TRAPPC13: variants seen among roughly 807,000 people sequenced by gnomAD.
TRAPPC13 encodes trafficking protein particle complex subunit 13.
A neutral mutation model predicts 54.0 loss-of-function variants in TRAPPC13; 39 were observed. The observed-to-expected ratio is 0.72, with a 90% confidence interval of 0.56 to 0.94. The LOEUF (loss-of-function observed/expected upper bound fraction) is 0.94, where lower values mean the gene tolerates loss of function less well. Ranked by LOEUF, TRAPPC13 falls within the 40% of genes least tolerant of loss-of-function variation. The pLI, the probability that TRAPPC13 is intolerant of heterozygous loss-of-function variation, is 0.00. For missense variants in TRAPPC13, 386 were observed against 488.1 expected (o/e 0.79, Z 1.97); for synonymous variants, 148 against 167.7 (o/e 0.88, Z 0.91).
At chr5:65,637,820 A>T (rs1412792039) in intron 4 of TRAPPC13, 40 bp downstream of exon 4, 26 of 1,335,994 alleles carry the variant, frequency 1.9e-5, no homozygotes, top group Non-Finnish European at 2.6e-5. Context: ...TTAGTCTTTA[A>T]CAAAGGTTTT....
intron 1 of TRAPPC13, 119 bp downstream of exon 1, chr5:65,625,225 T>C: frequency 1.1e-6 from 1 of 872,274 alleles, no homozygotes; most frequent in Non-Finnish European, 1.9e-6. Flanking sequence ...TCCTGCTCTG[T>C]CCTTTGCCGC....
chr5:65,625,688 C>A (rs1176603163), intron 1 of TRAPPC13, among the ~76,000 whole-genome samples: 2 of 151,848 alleles, frequency 1.3e-5, no homozygotes, highest in Non-Finnish European at 2.9e-5. Context: ...TTAATTAGAT[C>A]ATTATTTAGG....
chr5:65,644,988 G>A (rs1281976334), intron 4 of TRAPPC13, among the ~76,000 whole-genome samples: 1 of 151,898 alleles, frequency 6.6e-6, no homozygotes, highest in Admixed American at 6.6e-5. Context: ...CCTGAGGCCA[G>A]GAGTTCAAGA....
At chr5:65,625,750 C>T (rs1297134362) in intron 1 of TRAPPC13, among the ~76,000 whole-genome samples, 1 of 151,736 alleles carries the variant, frequency 6.6e-6, no homozygotes, top group Non-Finnish European at 1.5e-5. Context: ...TGCCTATTTT[C>T]TGGAAACCTT....
Position 65,664,271 on chromosome 5 carries a change from A to G in TRAPPC13, c.1033A>G (p.Asn345Asp). ...TATGGATCTGGTTTTGGAAATGTGC[A>G]ATACCAATTCCATCCACTGGTGTGG... ...RTMDLVLEMC[N>D]TNSIHWCGIS... The change falls in exon 12 of 13, where the codon AAT becomes GAT. Residue 345 changes from asparagine to aspartate, a missense_variant. Asn to Asp is a conservative substitution (Grantham distance 23). Coordinates refer to ENST00000399438, the MANE Select transcript of TRAPPC13 (RefSeq NM_024941.4). 6.2e-7 allele frequency: 1 copy of G among 1,613,906 alleles called. No homozygotes were observed. Among genetic ancestry groups the G allele is most frequent in the Non-Finnish European group, 8.5e-7 (1 of 1,179,828 alleles).
chr5:65,653,249 C>CCTA (rs1756537560), intron 7 of TRAPPC13, among the ~76,000 whole-genome samples: 1 of 151,824 alleles, frequency 6.6e-6, no homozygotes, highest in South Asian at 2.1e-4. Context: ...TCTTGCTAGC[C>CCTA]CTCTTATGCC....
chr5:65,629,615 C>T (rs931362557), intron 1 of TRAPPC13: 3 of 1,534,234 alleles, frequency 2.0e-6, no homozygotes, highest in Non-Finnish European at 2.6e-6. Context: ...ATTACATTAT[C>T]GACCATGTGA....
chr5:65,654,327 A>G (rs945894677), intron 7 of TRAPPC13, among the ~76,000 whole-genome samples: 2 of 152,180 alleles, frequency 1.3e-5, no homozygotes, highest in Non-Finnish European at 2.9e-5. Context: ...TAATCACGAC[A>G]ATTTTGTTTG....
chr5:65,639,642 A>G (rs1755892428), intron 4 of TRAPPC13, among the ~76,000 whole-genome samples: 2 of 152,212 alleles, frequency 1.3e-5, no homozygotes, highest in African/African-American at 4.8e-5. Context: ...GCTACAGAAC[A>G]AGACCTGTCA....
In TRAPPC13 at chr5:65,646,270, G is replaced by A. The variant is rs190872342; in HGVS notation, c.301-785G>A. Among the ~76,000 whole-genome samples the A allele has an allele frequency of 4.8e-3, 736 of 152,286 alleles. 4 individuals are homozygous for A. The highest frequency in any genetic ancestry group is 6.6e-3 in the Admixed American group (101 of 15,282). On this transcript the variant is annotated intron_variant, in intron 4 of 12. Coordinates refer to ENST00000399438, the MANE Select transcript of TRAPPC13 (RefSeq NM_024941.4). Reference sequence around the variant, plus strand: ...GAGCATCATCGGGTGGAGGGAAAGTGCTACTTTAGATGAGGTAGTGCTTTC... The same window carrying A: ...GAGCATCATCGGGTGGAGGGAAAGTACTACTTTAGATGAGGTAGTGCTTTC...
chr5:65,640,151 T>A (rs1755909024), intron 4 of TRAPPC13, among the ~76,000 whole-genome samples: 1 of 152,212 alleles, frequency 6.6e-6, no homozygotes, highest in African/African-American at 2.4e-5. Flanking sequence ...TTTGGTCCAT[T>A]GTCTGTTTTT....
At chr5:65,646,389 G>A (rs1281881704) in intron 4 of TRAPPC13, among the ~76,000 whole-genome samples, 1 of 152,050 alleles carries the variant, frequency 6.6e-6, no homozygotes, top group Non-Finnish European at 1.5e-5. Flanking sequence ...TTATCTTTTA[G>A]TGTTATATAC....
At chr5:65,646,933 C>T in intron 4 of TRAPPC13, 122 bp from the exon 5 acceptor site, 1 of 866,878 alleles carries the variant, frequency 1.2e-6, no homozygotes, top group East Asian at 2.7e-5. Context: ...AAAAGTGTTG[C>T]TCCCCCTTTC....
intron 9 of TRAPPC13, among the ~76,000 whole-genome samples, chr5:65,659,514 G>A (rs1303954505): frequency 6.6e-6 from 1 of 152,102 alleles, no homozygotes; most frequent in East Asian, 1.9e-4. Flanking sequence ...GAATGGTAGA[G>A]AAGTTAAAAA....
chr5:65,636,443 A>G (rs939257062), intron 3 of TRAPPC13, among the ~76,000 whole-genome samples: 2 of 152,078 alleles, frequency 1.3e-5, no homozygotes, highest in Non-Finnish European at 2.9e-5. Context: ...CGCCTAGGAC[A>G]TGATACATTT....
At chr5:65,653,322 TG>T (rs1756539915) in intron 7 of TRAPPC13, among the ~76,000 whole-genome samples, 1 of 152,086 alleles carries the variant, frequency 6.6e-6, no homozygotes, top group Non-Finnish European at 1.5e-5. Context: ...TATTTTGAAA[TG>T]AAGATTATAT....
chr5:65,656,048 T>A (rs1235898198), intron 8 of TRAPPC13, among the ~76,000 whole-genome samples: 1 of 152,162 alleles, frequency 6.6e-6, no homozygotes, highest in Non-Finnish European at 1.5e-5. Flanking sequence ...AGATGCACAG[T>A]GGTTTTAGTT....
chr5:65,661,477 A>T (rs1381748600), intron 10 of TRAPPC13: 4 of 152,300 alleles, frequency 2.6e-5, no homozygotes, highest in Admixed American at 2.6e-4. Flanking sequence ...GTTTTGACAT[A>T]TTCCAAATTT....
Position 65,664,054 on chromosome 5 carries a change from C to T in TRAPPC13, c.999-183C>T. The T allele has an allele frequency of 8.1e-6, 5 of 615,586 alleles. 1 individual carries two copies. In the South Asian group the frequency reaches 8.9e-5, roughly 11 times the overall value. 38.1% of individuals were successfully genotyped at this position (615,586 alleles called of 1,614,324 possible). A position where few individuals can be genotyped will look rare whatever the true frequency, so the allele number is the denominator to read the frequency against. On this transcript the variant is annotated intron_variant, in intron 11 of 12. Coordinates refer to ENST00000399438, the MANE Select transcript of TRAPPC13 (RefSeq NM_024941.4). ...CTATTTTAAGTGCTAGAAGGTGTGA[C>T]TTCCTTTCATCTTCCTGGTTCTATC...
Sources: allele counts gnomAD v4.1 joint callset (sites outside exome capture counted in the v4.1 genomes callset), GRCh38; gene constraint gnomAD v4.1.1; transcripts MANE v1.5; gene names NCBI Gene and HGNC (gene_info 2026-07-23, HGNC 2026-07-21).